Variants in EFCAB6 observed in about 807,000 individuals in gnomAD.
The protein encoded by EFCAB6 is EF-hand calcium-binding domain-containing protein 6.
In EFCAB6, 156 loss-of-function variants were observed where a neutral mutation model predicts 169.8. That is an observed-to-expected ratio of 0.92 (90% CI 0.81 to 1.05). The LOEUF (loss-of-function observed/expected upper bound fraction) is 1.05, where lower values mean the gene tolerates loss of function less well. EFCAB6 is among the 50% of genes least tolerant of loss of function. EFCAB6 has a pLI of 0.00. For synonymous variants in EFCAB6, 698 were observed against 676.4 expected, an observed-to-expected ratio of 1.03 and a Z score of -0.50; for missense variants, 1,800 against 1,829.1, an observed-to-expected ratio of 0.98 and a Z score of 0.29.
intron 26 of EFCAB6, among the ~76,000 whole-genome samples, chr22:43,556,788 G>T (rs962923588): frequency 6.6e-6 from 1 of 152,188 alleles, no homozygotes; most frequent in Non-Finnish European, 1.5e-5. Flanking sequence ...CCTCCACCAT[G>T]CAAAGGCTAA....
chr22:43,561,311 C>T (rs1336986610), intron 26 of EFCAB6, among the ~76,000 whole-genome samples: 6 of 149,990 alleles, frequency 4.0e-5, no homozygotes, highest in Admixed American at 1.3e-4. Context: ...GAGCCGAGAT[C>T]GTGCTACTGC....
At chr22:43,535,486 G>C (rs2047331242) in intron 29 of EFCAB6, 1 of 152,290 alleles carries the variant, frequency 6.6e-6, no homozygotes, top group African/African-American at 2.4e-5. Context: ...GGCTCATGTG[G>C]ATGCTCCACG....
intron 12 of EFCAB6, among the ~76,000 whole-genome samples, chr22:43,678,492 G>A (rs1026104082): frequency 3.9e-5 from 6 of 152,058 alleles, no homozygotes; most frequent in African/African-American, 4.8e-5. Context: ...GGCTTGAATG[G>A]CTTGAACAGC....
At chr22:43,586,574 A>G (rs1342929964) in intron 24 of EFCAB6, among the ~76,000 whole-genome samples, 1 of 152,084 alleles carries the variant, frequency 6.6e-6, no homozygotes, top group African/African-American at 2.4e-5. Context: ...GAGTCAGAGA[A>G]GGCAATTAGC....
chr22:43,654,781 CT>C (rs2056654234), intron 17 of EFCAB6, among the ~76,000 whole-genome samples: 1 of 152,178 alleles, frequency 6.6e-6, no homozygotes, highest in African/African-American at 2.4e-5. Flanking sequence ...ACCAGGGACA[CT>C]TGGAGAGTGT....
At chr22:43,664,028 A>G (rs567410833) in intron 17 of EFCAB6, among the ~76,000 whole-genome samples, 1 of 152,356 alleles carries the variant, frequency 6.6e-6, no homozygotes, top group African/African-American at 2.4e-5. Flanking sequence ...TTCAGGCAGC[A>G]GGGAGGTCTC....
At chr22:43,717,968 C>T (rs1404258922) in intron 8 of EFCAB6, among the ~76,000 whole-genome samples, 2 of 152,060 alleles carry the variant, frequency 1.3e-5, no homozygotes, top group Admixed American at 6.5e-5. Flanking sequence ...ATGTTCTTTG[C>T]TATATATTGT....
chr22:43,718,088 G>C (rs897631161), intron 8 of EFCAB6, among the ~76,000 whole-genome samples: 1 of 100,030 alleles, frequency 1.0e-5, no homozygotes, highest in African/African-American at 4.8e-5. Context: ...ATCCATCCAT[G>C]TAAGTACCAG....
Position 43,572,946 on chromosome 22 carries a change from G to T in EFCAB6, c.3420+3351C>A, listed in dbSNP as rs143335117. Among the ~76,000 whole-genome samples, 76 of 152,342 alleles carry T rather than the reference G, an allele frequency of 5.0e-4. 3 individuals carry two copies. The highest frequency in any genetic ancestry group is 1.9e-4 in the Non-Finnish European group (13 of 68,032). On this transcript the variant is annotated intron_variant, in intron 26 of 31. Coordinates refer to ENST00000262726, the MANE Select transcript of EFCAB6 (RefSeq NM_022785.4). The surrounding 1 kb of genome is among the most constrained non-coding windows in gnomAD (Gnocchi z 4.0). ...ACGATGGAATGGCACATGCTAGATG[G>T]AATCCATGCTTTAGAGGAAAATGAA... is the stretch of plus-strand genomic sequence containing the variant.
At position 43,784,672 on chromosome 22, in the gene EFCAB6, T is replaced by TAC. The variant is rs1306822510; in HGVS notation, c.-7-2348_-7-2347insGT. ...ATATATGTGTATATATACATATACA[T>TAC]ATATACACACACACACACACACACA... On this transcript the variant is annotated intron_variant, in intron 2 of 31. Transcript: ENST00000262726. Among the ~76,000 whole-genome samples, 61 of 42,922 alleles carry TAC rather than the reference T, an allele frequency of 1.4e-3. 2 individuals carry two copies. The highest frequency in any genetic ancestry group is 5.3e-3 in the East Asian group (5 of 948). The allele number at this position is 42,922 out of a possible 152,430, so 28.2% of individuals were successfully genotyped here.
intron 10 of EFCAB6, among the ~76,000 whole-genome samples, chr22:43,704,429 A>G (rs2058879754): frequency 1.3e-5 from 2 of 152,308 alleles, no homozygotes; most frequent in South Asian, 4.1e-4. Flanking sequence ...ACAAAAACAC[A>G]AAACTCAATG....
chr22:43,680,353 C>A (rs2057953735), intron 12 of EFCAB6, among the ~76,000 whole-genome samples: 1 of 152,098 alleles, frequency 6.6e-6, no homozygotes, highest in African/African-American at 2.4e-5. Context: ...TATAGCTTTG[C>A]ACTAAGATTC....
chr22:43,718,527 A>G (rs2059412504), intron 8 of EFCAB6, among the ~76,000 whole-genome samples: 1 of 152,208 alleles, frequency 6.6e-6, no homozygotes, highest in Non-Finnish European at 1.5e-5. Flanking sequence ...TCATGCCTGT[A>G]ATCCCAGCAC....
chr22:43,775,007 C>A (rs743940), intron 3 of EFCAB6, among the ~76,000 whole-genome samples: 3,669 of 152,096 alleles, frequency 0.024, 152 homozygotes, highest in African/African-American at 0.083. Flanking sequence ...TGGAGACAGG[C>A]TGGGTGACTA....
At chr22:43,532,939 ATGTACT>A (rs906776460) in intron 30 of EFCAB6, among the ~76,000 whole-genome samples, 74 of 152,358 alleles carry the variant, frequency 4.9e-4, no homozygotes, top group African/African-American at 1.7e-3. Flanking sequence ...ACAGCACCAG[ATGTACT>A]TGTACTTGTT....
In EFCAB6 at chr22:43,669,043, A is replaced by C. The variant is rs754101161; in HGVS notation, c.1643T>G (p.Leu548Arg). Residue 548 changes from leucine to arginine, a missense_variant and splice_region_variant, in exon 16 of 32, where the codon CTC becomes CGC. By Grantham distance (102) the Leu-to-Arg change is moderately radical (BLOSUM62 -2). Transcript: ENST00000262726. Reference protein sequence around the residue: ...PFLTNAHFIKLCSKIQDIGSG... With the variant: ...PFLTNAHFIKRCSKIQDIGSG... Reference sequence around the variant, plus strand: ...ACCAATGTCCTGAATCTTACTGCAGAGTCTGAATTTTAAAAAATAATTAAA... The same window carrying C: ...ACCAATGTCCTGAATCTTACTGCAGCGTCTGAATTTTAAAAAATAATTAAA... The C allele has an allele frequency of 1.3e-6, 2 of 1,596,110 alleles. No individual in the cohort carries two copies. The highest frequency in any genetic ancestry group is 1.7e-6 in the Non-Finnish European group (2 of 1,172,482).
intron 2 of EFCAB6, among the ~76,000 whole-genome samples, chr22:43,808,127 T>C (rs1288658534): frequency 6.6e-6 from 1 of 152,232 alleles, no homozygotes; most frequent in African/African-American, 2.4e-5. Context: ...GTACTGAATA[T>C]GTATGGACTT....
At position 43,628,774 on chromosome 22, in the gene EFCAB6, ACTG is replaced by A; in HGVS notation, c.2233-2098_2233-2096del. On this transcript the variant is annotated intron_variant, in intron 19 of 31. Transcript: ENST00000262726. The surrounding 1 kb of genome is among the most constrained non-coding windows in gnomAD (Gnocchi z 4.8). ...CCTCTGTACAATGGCACCAGCCCTG[ACTG>A]GCCTCCCACGATCCTCTACTTTTCT... Among the ~76,000 whole-genome samples, 1 of 151,874 alleles carries A rather than the reference ACTG, an allele frequency of 6.6e-6. No individual in the cohort carries two copies. Among genetic ancestry groups the A allele is most frequent in the Non-Finnish European group, 1.5e-5 (1 of 67,980 alleles).
chr22:43,613,237 A>G (rs868011251), intron 21 of EFCAB6, among the ~76,000 whole-genome samples: 3 of 149,352 alleles, frequency 2.0e-5, no homozygotes, highest in Middle Eastern at 3.5e-3. Flanking sequence ...AAATATATTC[A>G]TATCATATAT....
Sources: allele counts gnomAD v4.1 joint callset (sites outside exome capture counted in the v4.1 genomes callset), GRCh38; gene constraint gnomAD v4.1.1; non-coding constraint Gnocchi (gnomAD v3.1); transcripts MANE v1.5; gene names NCBI Gene and HGNC (gene_info 2026-07-23, HGNC 2026-07-21).